Variants in KLRG1 observed in about 807,000 individuals in gnomAD.
The protein encoded by KLRG1 is killer cell lectin-like receptor subfamily G member 1.
A neutral mutation model predicts 21.8 loss-of-function variants in KLRG1; 16 were observed. The observed-to-expected ratio is 0.73, with a 90% confidence interval of 0.50 to 1.11. The LOEUF (loss-of-function observed/expected upper bound fraction) is 1.11, where lower values mean the gene tolerates loss of function less well. Ranked by LOEUF, KLRG1 falls within the 50% of genes most tolerant of loss-of-function variation. KLRG1 has a pLI of 0.00. For missense variants in KLRG1, 173 were observed against 218.3 expected, an observed-to-expected ratio of 0.79 and a Z score of 1.31; for synonymous variants, 69 against 75.9, an observed-to-expected ratio of 0.91 and a Z score of 0.47.
chr12:9,141,758 T>C, the KLRG1 span, among the ~76,000 whole-genome samples: 1 of 152,250 alleles, frequency 6.6e-6, no homozygotes, highest in African/African-American at 2.4e-5. Context: ...TGTTACACTG[T>C]TAACTTTTAG....
the KLRG1 span, chr12:9,153,424 A>G: frequency 2.6e-6 from 3 of 1,171,194 alleles, no homozygotes; most frequent in Non-Finnish European, 3.7e-6. Context: ...GTGTTAGCCT[A>G]CCATGAGGGA....
At chr12:9,040,909 G>A in the KLRG1 span, among the ~76,000 whole-genome samples, 1 of 152,358 alleles carries the variant, frequency 6.6e-6, no homozygotes, top group African/African-American at 2.4e-5. Context: ...AGACAACTAA[G>A]TTTATGCATG....
At chr12:9,112,623 TG>T in the KLRG1 span, 1 of 1,464,606 alleles carries the variant, frequency 6.8e-7, no homozygotes. Flanking sequence ...CTGGAGATCT[TG>T]CCCTTCTTAC....
the KLRG1 span, among the ~76,000 whole-genome samples, chr12:9,054,764 T>C: frequency 3.3e-5 from 5 of 152,174 alleles, no homozygotes; most frequent in Non-Finnish European, 7.3e-5. Context: ...CTATCAATGG[T>C]GTTAAGAGAG....
intron 1 of KLRG1, among the ~76,000 whole-genome samples, chr12:8,979,017 T>C (rs993542082): frequency 6.7e-6 from 1 of 149,228 alleles, no homozygotes; most frequent in African/African-American, 2.5e-5. Flanking sequence ...ACCTGGCCTG[T>C]CTTTTTTTTT....
chr12:9,141,962 G>A, the KLRG1 span, among the ~76,000 whole-genome samples: 1 of 152,150 alleles, frequency 6.6e-6, no homozygotes, highest in Non-Finnish European at 1.5e-5. Context: ...GCATTCAGGA[G>A]TCCTAATCAC....
intron 1 of KLRG1, among the ~76,000 whole-genome samples, chr12:8,967,697 G>A (rs1235616962): frequency 6.6e-6 from 1 of 152,132 alleles, no homozygotes; most frequent in Non-Finnish European, 1.5e-5. Flanking sequence ...TTTCTGCACT[G>A]CAGCCTGGCC....
chr12:9,004,836 CAA>C (rs10589826), intron 3 of KLRG1, among the ~76,000 whole-genome samples: 41,953 of 151,772 alleles, frequency 0.28, 6,912 homozygotes, highest in East Asian at 0.39. Flanking sequence ...ATATGGTAGT[CAA>C]GAGTTGTTGC....
At chr12:9,154,663 A>T in the KLRG1 span, 4 of 1,614,064 alleles carry the variant, frequency 2.5e-6, no homozygotes, top group African/African-American at 5.3e-5. Flanking sequence ...TTCATGATCC[A>T]CTTCACAATG....
chr12:9,103,644 T>C, the KLRG1 span, among the ~76,000 whole-genome samples: 1 of 152,202 alleles, frequency 6.6e-6, no homozygotes, highest in Non-Finnish European at 1.5e-5. Context: ...AGAAACCCCA[T>C]GTACGTGAAT....
the KLRG1 span, among the ~76,000 whole-genome samples, chr12:9,137,596 A>G: frequency 6.6e-6 from 1 of 152,044 alleles, no homozygotes; most frequent in Non-Finnish European, 1.5e-5. Flanking sequence ...GTTGCATTGA[A>G]TCTATAGATT....
chr12:9,146,561 A>G, the KLRG1 span, among the ~76,000 whole-genome samples: 1 of 151,942 alleles, frequency 6.6e-6, no homozygotes, highest in Non-Finnish European at 1.5e-5. Flanking sequence ...CTAATTCTTC[A>G]TTTTCTTTGA....
chr12:9,004,834 G>A (rs1192319706), intron 3 of KLRG1, among the ~76,000 whole-genome samples: 1 of 136,782 alleles, frequency 7.3e-6, no homozygotes, highest in Non-Finnish European at 1.7e-5. Context: ...GGATATGGTA[G>A]TCAAGAGTTG....
At chr12:9,163,784 C>G in the KLRG1 span, 1 of 1,611,664 alleles carries the variant, frequency 6.2e-7, no homozygotes, top group Non-Finnish European at 8.5e-7. Context: ...GAGAAGTTCA[C>G]ATTCCCTAAA....
chr12:8,955,156 G>A lies in KLRG1; in HGVS notation c.-156+4920G>A, dbSNP rs191853897. ...GGTCTCGAACTCCTGACCTTGTGCC[G>A]CCCACCTCGGCCTCCCAAAGTGCTG... On this transcript the variant is annotated intron_variant, in intron 1 of 4. Transcript: ENST00000539240. Among the ~76,000 whole-genome samples, 564 of 152,036 alleles carry A rather than the reference G, an allele frequency of 3.7e-3. 5 individuals carry two copies. The East Asian group carries it at 0.047, about 13-fold the overall frequency.
chr12:9,118,143 A>C, the KLRG1 span, among the ~76,000 whole-genome samples: 5 of 152,226 alleles, frequency 3.3e-5, no homozygotes, highest in South Asian at 1.0e-3. Context: ...GTGATTTGGG[A>C]AACATCTGTT....
At chr12:9,139,438 C>T in the KLRG1 span, among the ~76,000 whole-genome samples, 8 of 152,032 alleles carry the variant, frequency 5.3e-5, no homozygotes, top group Non-Finnish European at 1.0e-4. Context: ...TCTGTTTGGT[C>T]CATTTGGTCT....
chr12:8,979,392 G>GA (rs1234950728), intron 1 of KLRG1, among the ~76,000 whole-genome samples: 1 of 152,110 alleles, frequency 6.6e-6, no homozygotes, highest in Admixed American at 6.5e-5. Context: ...TCAGTGCTTT[G>GA]AATATATCAT....
At chr12:9,159,673 C>T in the KLRG1 span, among the ~76,000 whole-genome samples, 2 of 151,658 alleles carry the variant, frequency 1.3e-5, no homozygotes, top group Non-Finnish European at 2.9e-5. Context: ...CCCAAGTGAG[C>T]CCATTCAATC....
Sources: allele counts gnomAD v4.1 joint callset (sites outside exome capture counted in the v4.1 genomes callset), GRCh38; gene constraint gnomAD v4.1.1; transcripts MANE v1.5; gene names NCBI Gene and HGNC (gene_info 2026-07-23, HGNC 2026-07-21).